Variants in EBF2 observed in about 807,000 individuals in gnomAD.
EBF2 encodes EBF transcription factor 2.
A neutral mutation model predicts 72.8 loss-of-function variants in EBF2; 21 were observed. The ratio of observed to expected loss-of-function variants is 0.29; its 90% CI spans 0.20 to 0.42. EBF2 has a LOEUF of 0.42. Ranked by LOEUF, EBF2 falls within the 10% of genes least tolerant of loss-of-function variation. EBF2 has a pLI of 1.00. For synonymous variants in EBF2, 299 were observed against 274.2 expected (o/e 1.09, Z -0.89); for missense variants, 637 against 731.2 (o/e 0.87, Z 1.49).
intron 6 of EBF2, among the ~76,000 whole-genome samples, chr8:25,967,579 AAAGTTGTATGGGAACTTGT>A (rs1804134314): frequency 2.6e-5 from 4 of 152,208 alleles, no homozygotes; most frequent in African/African-American, 9.7e-5. Context: ...GAAAAACAGC[AAAGTTGTATGGGAACTTGT>A]ATAGTTTCTA....
At chr8:25,909,640 A>G (rs1028779685) in intron 6 of EBF2, among the ~76,000 whole-genome samples, 1 of 152,248 alleles carries the variant, frequency 6.6e-6, no homozygotes, top group Admixed American at 6.5e-5. Context: ...TTCTAAAGCA[A>G]TGGTTGGTGA....
chr8:26,038,169 G>A (rs1448049555), intron 5 of EBF2, among the ~76,000 whole-genome samples: 1 of 152,146 alleles, frequency 6.6e-6, no homozygotes, highest in Non-Finnish European at 1.5e-5. Flanking sequence ...CATCTCATCT[G>A]CACACATGTA....
intron 10 of EBF2, 133 bp from the exon 11 acceptor site, chr8:25,862,930 C>A: frequency 4.8e-6 from 2 of 416,806 alleles, no homozygotes; most frequent in Non-Finnish European, 8.1e-6. Flanking sequence ...TTGCTATCGA[C>A]ATTGGTTAAT....
chr8:25,851,323 C>G (rs752225833), intron 14 of EBF2, among the ~76,000 whole-genome samples: 1 of 150,118 alleles, frequency 6.7e-6, no homozygotes, highest in East Asian at 2.0e-4. Flanking sequence ...TTCAGAAAAC[C>G]GTCTTCCTCT....
chr8:26,031,022 C>A (rs1026580964), intron 6 of EBF2, among the ~76,000 whole-genome samples: 1 of 152,194 alleles, frequency 6.6e-6, no homozygotes, highest in African/African-American at 2.4e-5. Flanking sequence ...AAAGTAAGAG[C>A]TCCTGCTTAG....
At chr8:25,861,465 C>T (rs1802211961) in intron 11 of EBF2, 91 bp from the exon 12 acceptor site, 2 of 1,411,604 alleles carry the variant, frequency 1.4e-6, no homozygotes, top group East Asian at 2.3e-5. Flanking sequence ...GAAATCCACA[C>T]ATCCCTCCCA....
At chr8:25,870,950 G>A (rs758053974) in intron 10 of EBF2, among the ~76,000 whole-genome samples, 7 of 152,106 alleles carry the variant, frequency 4.6e-5, no homozygotes, top group East Asian at 1.9e-4. Flanking sequence ...CATACACACC[G>A]ACAGAATTTC....
At chr8:25,953,353 A>C (rs74408914) in intron 6 of EBF2, among the ~76,000 whole-genome samples, 14,621 of 152,314 alleles carry the variant, frequency 0.096, 926 homozygotes, top group Middle Eastern at 0.17. Context: ...ATGAATGGAA[A>C]CATGATTTTC....
At chr8:25,957,597 T>G (rs2117175401) in intron 6 of EBF2, among the ~76,000 whole-genome samples, 1 of 152,308 alleles carries the variant, frequency 6.6e-6, no homozygotes, top group South Asian at 2.1e-4. Flanking sequence ...GTGCAGTGGC[T>G]CATGCCTGTA....
At chr8:25,977,574 A>G (rs961812260) in intron 6 of EBF2, among the ~76,000 whole-genome samples, 2 of 152,208 alleles carry the variant, frequency 1.3e-5, no homozygotes, top group Non-Finnish European at 2.9e-5. Flanking sequence ...GAAGAAGAAG[A>G]GAAAGAAAGG....
intron 10 of EBF2, among the ~76,000 whole-genome samples, chr8:25,880,275 A>G (rs1802585540): frequency 6.6e-6 from 1 of 152,182 alleles, no homozygotes; most frequent in South Asian, 2.1e-4. Flanking sequence ...ACGTAATCAC[A>G]TCTTTTGCTT....
intron 10 of EBF2, among the ~76,000 whole-genome samples, chr8:25,868,240 T>C (rs1385812871): frequency 6.6e-6 from 1 of 152,208 alleles, no homozygotes; most frequent in Non-Finnish European, 1.5e-5. Flanking sequence ...CTGCCCTGGA[T>C]TTTAAAAGGT....
chr8:25,978,362 T>C (rs1358077303), intron 6 of EBF2, among the ~76,000 whole-genome samples: 1 of 152,236 alleles, frequency 6.6e-6, no homozygotes, highest in Non-Finnish European at 1.5e-5. Context: ...GCTAAATGCC[T>C]GCCTTTCTCC....
chr8:26,020,456 GAAGA>G (rs1393825331), intron 6 of EBF2, among the ~76,000 whole-genome samples: 1 of 152,224 alleles, frequency 6.6e-6, no homozygotes, highest in African/African-American at 2.4e-5. Flanking sequence ...GGAATGAAAA[GAAGA>G]AAGGGAGGTC....
At chr8:25,912,173 A>G (rs1294130784) in intron 6 of EBF2, among the ~76,000 whole-genome samples, 2 of 152,172 alleles carry the variant, frequency 1.3e-5, no homozygotes, top group Non-Finnish European at 2.9e-5. Context: ...ATGGGTGACG[A>G]ATCATCCTAC....
intron 8 of EBF2, 118 bp downstream of exon 8, chr8:25,889,634 A>C (rs1314591157): frequency 2.7e-5 from 21 of 765,832 alleles, no homozygotes; most frequent in African/African-American, 2.3e-4. Flanking sequence ...AAAAAAAAAA[A>C]CCCACATTGT....
intron 6 of EBF2, among the ~76,000 whole-genome samples, chr8:25,959,668 G>A (rs1028693634): frequency 1.3e-5 from 2 of 152,104 alleles, no homozygotes; most frequent in African/African-American, 4.8e-5. Context: ...CAGCACTGTA[G>A]CCATTTTGCC....
At chr8:25,888,958 C>T (rs1401096651) in intron 8 of EBF2, among the ~76,000 whole-genome samples, 1 of 152,188 alleles carries the variant, frequency 6.6e-6, no homozygotes, top group East Asian at 1.9e-4. Flanking sequence ...AGAATTAACA[C>T]CACTCCAAAT....
At chr8:25,942,080 G>T (rs1362944221) in intron 6 of EBF2, among the ~76,000 whole-genome samples, 8 of 152,262 alleles carry the variant, frequency 5.3e-5, no homozygotes, top group South Asian at 2.1e-4. Flanking sequence ...GGGGAAAATT[G>T]TAAGAGGATG....
Sources: gnomAD v4.1 joint callset for allele counts (sites outside exome capture counted in the v4.1 genomes callset) on GRCh38, gnomAD v4.1.1 for gene constraint, MANE v1.5 for transcripts, NCBI Gene and HGNC (gene_info 2026-07-23, HGNC 2026-07-21) for gene names.